The following FRY variants were observed in gnomAD, a reference collection of about 807,000 sequenced individuals.
FRY encodes the protein FRY microtubule binding protein, also known as protein furry homolog.
A neutral mutation model predicts 348.4 loss-of-function variants in FRY; 128 were observed. The ratio of observed to expected loss-of-function variants is 0.37; its 90% CI spans 0.32 to 0.43. The LOEUF is 0.43. Ranked by LOEUF, FRY falls within the 20% of genes least tolerant of loss-of-function variation. The pLI, the probability that FRY is intolerant of heterozygous loss-of-function variation, is 1.00. For synonymous variants in FRY, 1,370 were observed against 1,374.7 expected, an observed-to-expected ratio of 1.00 and a Z score of 0.08; for missense variants, 2,736 against 3,695.2, an observed-to-expected ratio of 0.74 and a Z score of 6.73.
At chr13:32,086,311 C>T (rs1361669316) in intron 2 of FRY, among the ~76,000 whole-genome samples, 4 of 152,194 alleles carry the variant, frequency 2.6e-5, no homozygotes, top group Admixed American at 1.3e-4. Flanking sequence ...ATAGCCCTGC[C>T]ACTAACCTGT....
intron 24 of FRY, among the ~76,000 whole-genome samples, chr13:32,183,520 G>C (rs527964966): frequency 1.1e-4 from 17 of 152,352 alleles, no homozygotes; most frequent in Admixed American, 9.1e-4. Context: ...GCGCACGCCT[G>C]TAATCCCAGC....
rs764783308 is a variant in FRY, at chr13:32,218,756, A to G, written c.4690A>G (p.Asn1564Asp). The G allele has an allele frequency of 6.3e-7, 1 of 1,580,890 alleles. No individual in the cohort carries two copies. The highest frequency in any genetic ancestry group is 8.7e-7 in the Non-Finnish European group (1 of 1,150,176). ...ILKESDERFS[N>D]VIRAHTRLES... ...TTGTTCTTGTATTTGAAGGTTTAGT[A>G]ATGTCATCAGAGCCCACACTCGCCT... The change falls in exon 36 of 61, where the codon AAT becomes GAT. Residue 1564 changes from asparagine (N) to aspartate (D), a missense_variant. Transcript: ENST00000542859.
chr13:32,117,558 T>G, intron 4 of FRY, 85 bp downstream of exon 4: 1 of 1,373,336 alleles, frequency 7.3e-7, no homozygotes, highest in South Asian at 1.2e-5. Flanking sequence ...ACAAGGCAAT[T>G]GGGTCTTCCT....
chr13:32,276,518 G>C lies in FRY; in HGVS notation c.8341G>C (p.Glu2781Gln). The change falls in exon 57 of 61, where the codon GAA (glutamate) becomes CAA (glutamine). Residue 2781 changes from glutamate (E) to glutamine (Q), a missense_variant. By Grantham distance (29) the Glu-to-Gln change is conservative. Coordinates refer to ENST00000542859, the MANE Select transcript of FRY (RefSeq NM_023037.3). ...CAAGTTCAGTGTGTTAGAACTGCAAGAATATTTGGATACCTACAACAACAG... is the reference window on the plus strand; with the variant it reads ...CAAGTTCAGTGTGTTAGAACTGCAACAATATTTGGATACCTACAACAACAG... ...KLKFSVLELQ[E>Q]YLDTYNNRKE... is the part of the protein sequence containing the mutation. 1 of 1,606,522 alleles carries C rather than the reference G, an allele frequency of 6.2e-7. No individual in the cohort carries two copies. Among genetic ancestry groups the C allele is most frequent in the South Asian group, 1.1e-5 (1 of 90,910 alleles).
chr13:32,222,256 G>T (rs886305291), intron 36 of FRY, among the ~76,000 whole-genome samples: 2 of 152,304 alleles, frequency 1.3e-5, no homozygotes, highest in Admixed American at 1.3e-4. Context: ...AGCTAGGAGT[G>T]GGGTGAGCAA....
rs771750165 is a variant in FRY, at chr13:32,267,282, C to T, written c.8059C>T (p.His2687Tyr). The T allele has an allele frequency of 6.2e-7, 1 of 1,614,186 alleles. No individual in the cohort carries two copies. Residue 2687 changes from histidine to tyrosine, a missense_variant, in exon 55 of 61, where the codon CAC becomes TAC. His to Tyr is a moderately conservative substitution (Grantham distance 83, BLOSUM62 2). Transcript: ENST00000542859. ...CGATGCCGAGGAGGCCTGGCGCAGC[C>T]ACATCAACCAGCTTATGTGTGACTC... ...CDDAEEAWRS[H>Y]INQLMCDSDG... is the part of the protein sequence containing the mutation.
chr13:32,092,723 T>C (rs1392914303), intron 2 of FRY, among the ~76,000 whole-genome samples: 1 of 152,080 alleles, frequency 6.6e-6, no homozygotes, highest in South Asian at 2.1e-4. Context: ...AAACCCAGAG[T>C]GCGAACTGAG....
chr13:32,192,486 G>C (rs1266660088), intron 28 of FRY, among the ~76,000 whole-genome samples: 1 of 151,616 alleles, frequency 6.6e-6, no homozygotes, highest in Non-Finnish European at 1.5e-5. Context: ...CTAATTTTTT[G>C]TATTTTTAGT....
At chr13:32,187,509 G>A (rs749558169) in intron 27 of FRY, 37 bp from the exon 28 acceptor site, 1 of 1,253,786 alleles carries the variant, frequency 8.0e-7, no homozygotes, top group Non-Finnish European at 1.2e-6. Context: ...ATCATTCCAA[G>A]TTTCATTTCC....
chr13:32,282,581 C>T (rs1888862860), intron 58 of FRY, among the ~76,000 whole-genome samples: 1 of 152,186 alleles, frequency 6.6e-6, no homozygotes, highest in African/African-American at 2.4e-5. Context: ...CTGGTCCGGT[C>T]TTTGCCAGTA....
At chr13:32,047,591 G>GA (rs1566043632) in intron 1 of FRY, among the ~76,000 whole-genome samples, 1 of 145,516 alleles carries the variant, frequency 6.9e-6, no homozygotes, top group Non-Finnish European at 1.5e-5. Context: ...TGGGGGGGGT[G>GA]CAGAGTTTCA....
intron 28 of FRY, among the ~76,000 whole-genome samples, chr13:32,192,039 C>T (rs73169104): frequency 0.053 from 8,026 of 152,158 alleles, 364 homozygotes; most frequent in East Asian, 0.28. Flanking sequence ...ATAGTGGTTT[C>T]TCCTGGGTAG....
intron 2 of FRY, among the ~76,000 whole-genome samples, chr13:32,086,538 T>A (rs577541982): frequency 2.0e-5 from 3 of 152,128 alleles, no homozygotes; most frequent in Non-Finnish European, 4.4e-5. Context: ...TCTCCCATTG[T>A]CCCTTCCAGG....
chr13:32,295,105 T>G (rs1476660088), intron 60 of FRY, 97 bp from the exon 61 acceptor site: 3 of 1,136,344 alleles, frequency 2.6e-6, no homozygotes, highest in Non-Finnish European at 2.6e-6. Context: ...AATAAAGCCT[T>G]TTTAAAAAGT....
At chr13:32,066,409 A>T (rs922723517) in intron 1 of FRY, among the ~76,000 whole-genome samples, 1 of 152,058 alleles carries the variant, frequency 6.6e-6, no homozygotes, top group African/African-American at 2.4e-5. Flanking sequence ...TTCCATTACT[A>T]TGATAGAATA....
At chr13:32,178,662 G>A (rs9567370) in intron 21 of FRY, among the ~76,000 whole-genome samples, 182 bp from the exon 22 acceptor site, 6,910 of 152,184 alleles carry the variant, frequency 0.045, 346 homozygotes, top group East Asian at 0.28. Flanking sequence ...GACTTTTAAT[G>A]GTAAAAGATA....
chr13:32,097,224 TGTAGGGGTCTACAGACCCACAG>T (rs945874784), intron 2 of FRY, among the ~76,000 whole-genome samples: 3 of 152,174 alleles, frequency 2.0e-5, no homozygotes, highest in Non-Finnish European at 4.4e-5. Context: ...CCTGAGTTGT[TGTAGGGGTCTACAGACCCACAG>T]GTGTGCTGAG....
intron 1 of FRY, among the ~76,000 whole-genome samples, chr13:32,042,677 CA>C (rs939439314): frequency 6.6e-6 from 1 of 152,176 alleles, no homozygotes; most frequent in African/African-American, 2.4e-5. Context: ...GAAGGAGGCC[CA>C]GGTTAGGGCT....
intron 46 of FRY, among the ~76,000 whole-genome samples, chr13:32,241,088 T>C (rs1314443532): frequency 6.6e-6 from 1 of 152,206 alleles, no homozygotes; most frequent in African/African-American, 2.4e-5. Context: ...CTGGTTTTAA[T>C]AGTCATCTGG....
Sources: gnomAD v4.1 joint callset for allele counts (sites outside exome capture counted in the v4.1 genomes callset) on GRCh38, gnomAD v4.1.1 for gene constraint, MANE v1.5 for transcripts, NCBI Gene and HGNC (gene_info 2026-07-23, HGNC 2026-07-21) for gene names.